Variants in FHOD3 observed in about 807,000 individuals in gnomAD.
FHOD3 encodes FH1/FH2 domain-containing protein 3.
Under a neutral mutation model 173.0 loss-of-function variants are expected in FHOD3, and 90 were observed. That is an observed-to-expected ratio of 0.52 (90% CI 0.44 to 0.62). The LOEUF is 0.62. Ranked by LOEUF, FHOD3 falls within the 20% of genes least tolerant of loss-of-function variation. The pLI is 0.00. For synonymous variants in FHOD3, 828 were observed against 823.0 expected, an observed-to-expected ratio of 1.01 and a Z score of -0.10; for missense variants, 1,945 against 2,034.7, an observed-to-expected ratio of 0.96 and a Z score of 0.85.
intron 3 of FHOD3, among the ~76,000 whole-genome samples, chr18:36,438,867 C>T (rs983757550): frequency 1.3e-5 from 2 of 152,206 alleles, no homozygotes; most frequent in Non-Finnish European, 2.9e-5. Flanking sequence ...GACTGACATC[C>T]GTGTGGCCTC....
intron 3 of FHOD3, among the ~76,000 whole-genome samples, chr18:36,447,838 G>A (rs1249159910): frequency 2.6e-5 from 4 of 152,136 alleles, no homozygotes; most frequent in Non-Finnish European, 1.5e-5. Flanking sequence ...GTAAATAAAA[G>A]CAGGTTTCAA....
At chr18:36,306,869 T>C (rs2092114453) in intron 1 of FHOD3, among the ~76,000 whole-genome samples, 1 of 152,252 alleles carries the variant, frequency 6.6e-6, no homozygotes, top group Non-Finnish European at 1.5e-5. Context: ...GTCCCTTGTG[T>C]AAAGCCTCTG....
At chr18:36,365,452 G>C (rs976255551) in intron 2 of FHOD3, among the ~76,000 whole-genome samples, 1 of 152,214 alleles carries the variant, frequency 6.6e-6, no homozygotes, top group Non-Finnish European at 1.5e-5. Flanking sequence ...ATTTGTATGA[G>C]ATGGCCAGAA....
chr18:36,447,967 C>T (rs1461329241), intron 3 of FHOD3, among the ~76,000 whole-genome samples: 1 of 152,090 alleles, frequency 6.6e-6, no homozygotes, highest in Admixed American at 6.5e-5. Context: ...GGGGAGAGAA[C>T]ATTGTGTAGA....
At chr18:36,331,761 T>C (rs1467374747) in intron 1 of FHOD3, among the ~76,000 whole-genome samples, 3 of 143,578 alleles carry the variant, frequency 2.1e-5, no homozygotes, top group Non-Finnish European at 4.6e-5. Flanking sequence ...TCAGGAGGGG[T>C]GGGGGAGCTG....
At chr18:36,696,127 A>C (rs1442990151) in intron 17 of FHOD3, among the ~76,000 whole-genome samples, 1 of 152,108 alleles carries the variant, frequency 6.6e-6, no homozygotes. Flanking sequence ...GTTATTATCC[A>C]TGTTTTACTG....
intron 3 of FHOD3, among the ~76,000 whole-genome samples, chr18:36,382,347 C>T (rs1365465323): frequency 1.3e-5 from 2 of 152,018 alleles, no homozygotes; most frequent in Admixed American, 6.6e-5. Flanking sequence ...GGTCTGGCTG[C>T]GTTTTTTCGA....
chr18:36,648,192 G>A (rs1227180916), intron 10 of FHOD3, among the ~76,000 whole-genome samples: 2 of 152,154 alleles, frequency 1.3e-5, no homozygotes, highest in Admixed American at 6.5e-5. Context: ...AGAGATTTGG[G>A]TGAATGGGGG....
In FHOD3 at chr18:36,500,122, C is replaced by T. The variant is rs575451407; in HGVS notation, c.338-1810C>T. On this transcript the variant is annotated intron_variant, in intron 3 of 28. Transcript: ENST00000590592. ...CTGTGTGACCAAGGGCTTGGCAGAC[C>T]GTGCAAAGGATTTTGGATTTCATTC... is the stretch of plus-strand genomic sequence containing the variant. 9.8e-5 allele frequency among the ~76,000 whole-genome samples: 15 copies of T among 152,294 alleles called. No individual in the cohort carries two copies. The South Asian group carries it at 2.1e-3, about 21-fold the overall frequency.
rs748794665 is a variant in FHOD3, at chr18:36,744,039, C to T, written c.3887C>T (p.Ala1296Val). 2.5e-6 allele frequency: 4 copies of T among 1,613,988 alleles called. No individual in the cohort carries two copies. Among genetic ancestry groups the T allele is most frequent in the African/African-American group, 2.7e-5 (2 of 74,902 alleles). ...GNFLNGTNAK[A>V]FELSYLEKVP... is the part of the protein sequence containing the mutation. ...TTGATGTTTGCAAAACAGGCCAAAG[C>T]GTTTGAGTTAAGCTACCTCGAGAAG... Residue 1296 changes from alanine to valine, a missense_variant, in exon 23 of 29, where the codon GCG becomes GTG. By Grantham distance (64) the Ala-to-Val change is moderately conservative (BLOSUM62 0). Around this residue, in one of 5 missense-constraint regions of FHOD3, gnomAD observed 231 missense variants for 321.9 expected, o/e 0.72. Coordinates refer to ENST00000590592, the MANE Select transcript of FHOD3 (RefSeq NM_001281740.3).
chr18:36,711,825 A>G (rs2040187354), intron 18 of FHOD3, among the ~76,000 whole-genome samples: 1 of 152,258 alleles, frequency 6.6e-6, no homozygotes, highest in African/African-American at 2.4e-5. Context: ...GCCTAACAGA[A>G]TAGAACACAG....
intron 22 of FHOD3, among the ~76,000 whole-genome samples, chr18:36,743,105 T>A (rs1316152486): frequency 3.3e-3 from 1 of 306 alleles, no homozygotes; most frequent in Non-Finnish European, 6.1e-3. Context: ...GGTCAGGAGA[T>A]CGAGCCATCC....
In FHOD3 at chr18:36,602,755, C is replaced by G. The variant is rs2031559992; in HGVS notation, c.800C>G (p.Thr267Ser). The change falls in exon 8 of 29, where the codon ACT (threonine) becomes AGT (serine). Residue 267 changes from threonine to serine, a missense_variant. Physicochemically the swap from Thr to Ser is moderately conservative, Grantham distance 58. This residue lies in a region of FHOD3 where 1,099 missense variants were observed against 1,051.2 expected (regional missense o/e 1.05). Transcript: ENST00000590592. ...VDTELLVYAM[T>S]LVNKTLSGLP... ...ACGGAGCTACTGGTTTATGCAATGA[C>G]TTTGGTGAACAAGGTTGGTTGACTA... 1.9e-6 allele frequency: 3 copies of G among 1,613,892 alleles called. No individual in the cohort carries two copies. Among genetic ancestry groups the G allele is most frequent in the East Asian group, 4.5e-5 (2 of 44,882 alleles).
chr18:36,362,295 G>A (rs2046664445), intron 2 of FHOD3, among the ~76,000 whole-genome samples: 1 of 152,192 alleles, frequency 6.6e-6, no homozygotes, highest in Non-Finnish European at 1.5e-5. Context: ...CAGGGTTGGG[G>A]AGGGAGGGGG....
intron 5 of FHOD3, among the ~76,000 whole-genome samples, chr18:36,543,915 T>C (rs974033974): frequency 1.3e-5 from 2 of 152,202 alleles, no homozygotes; most frequent in Non-Finnish European, 2.9e-5. Context: ...GCTAGGAACT[T>C]CGTATCTGAA....
chr18:36,656,116 G>T (rs898372209), intron 13 of FHOD3, among the ~76,000 whole-genome samples: 2 of 152,166 alleles, frequency 1.3e-5, no homozygotes, highest in African/African-American at 2.4e-5. Flanking sequence ...GCTAGGTGTC[G>T]TGCGGGGCAG....
chr18:36,611,814 A>G, intron 8 of FHOD3, 138 bp from the exon 9 acceptor site: 1 of 819,190 alleles, frequency 1.2e-6, no homozygotes, highest in Non-Finnish European at 1.8e-6. Context: ...CTTTTGCTCA[A>G]ATAAATTTGT....
At chr18:36,439,268 T>C (rs1024871515) in intron 3 of FHOD3, among the ~76,000 whole-genome samples, 7 of 152,218 alleles carry the variant, frequency 4.6e-5, no homozygotes, top group African/African-American at 1.7e-4. Context: ...TTTTCAGCCA[T>C]GTATTTTTTC....
At chr18:36,678,688 T>A (rs1409614222) in intron 14 of FHOD3, among the ~76,000 whole-genome samples, 2 of 151,908 alleles carry the variant, frequency 1.3e-5, no homozygotes, top group Non-Finnish European at 2.9e-5. Context: ...AACAAATGGT[T>A]GTTGAATTTA....
Sources: allele counts gnomAD v4.1 joint callset (sites outside exome capture counted in the v4.1 genomes callset), GRCh38; gene constraint gnomAD v4.1.1; regional missense constraint gnomAD v4.1.1; transcripts MANE v1.5; gene names NCBI Gene and HGNC (gene_info 2026-07-23, HGNC 2026-07-21).